Variants in NAV2 observed in about 807,000 individuals in gnomAD.
NAV2 encodes the protein neuron navigator 2.
In NAV2, 54 loss-of-function variants were observed where a neutral mutation model predicts 223.2. That is an observed-to-expected ratio of 0.24 (90% CI 0.19 to 0.30). NAV2 has a LOEUF of 0.30. NAV2 is among the 10% of genes least tolerant of loss of function. The pLI, the probability that NAV2 is intolerant of heterozygous loss-of-function variation, is 1.00. For synonymous variants in NAV2, 1,279 were observed against 1,239.3 expected (o/e 1.03, Z -0.67); for missense variants, 2,806 against 3,147.5 (o/e 0.89, Z 2.60).
intron 7 of NAV2, among the ~76,000 whole-genome samples, chr11:19,938,775 G>T (rs2046142968): frequency 6.6e-6 from 1 of 152,114 alleles, no homozygotes; most frequent in Non-Finnish European, 1.5e-5. Flanking sequence ...TGAGAACGAT[G>T]GCCTCAGTAG....
chr11:19,714,069 C>A, intron 1 of NAV2, 107 bp downstream of exon 1: 1 of 1,438,494 alleles, frequency 7.0e-7, no homozygotes, highest in Non-Finnish European at 9.4e-7. Flanking sequence ...TACCATGTGG[C>A]CAGGGAAGGG....
At chr11:19,766,289 G>C (rs2055216617) in intron 1 of NAV2, among the ~76,000 whole-genome samples, 1 of 152,124 alleles carries the variant, frequency 6.6e-6, no homozygotes, top group African/African-American at 2.4e-5. Context: ...AGCAGTGCTT[G>C]GGGTGGCTGT....
At chr11:19,667,888 A>G (rs1195091293) in intron 1 of NAV2, among the ~76,000 whole-genome samples, 1 of 152,182 alleles carries the variant, frequency 6.6e-6, no homozygotes, top group Non-Finnish European at 1.5e-5. Flanking sequence ...AACACCATTA[A>G]AGGGACTTAA....
intron 1 of NAV2, among the ~76,000 whole-genome samples, chr11:19,756,002 CA>C (rs1347525704): frequency 1.3e-5 from 2 of 152,200 alleles, no homozygotes; most frequent in Non-Finnish European, 1.5e-5. Flanking sequence ...CAACTGCTTT[CA>C]AAAAGACTGT....
intron 1 of NAV2, among the ~76,000 whole-genome samples, chr11:19,731,712 G>T (rs377208128): frequency 6.6e-6 from 1 of 152,228 alleles, no homozygotes; most frequent in African/African-American, 2.4e-5. Flanking sequence ...GGCATGGGCC[G>T]ATCATTTAAC....
At chr11:19,789,091 A>G (rs889871711) in intron 1 of NAV2, among the ~76,000 whole-genome samples, 3 of 152,148 alleles carry the variant, frequency 2.0e-5, no homozygotes, top group African/African-American at 4.8e-5. Flanking sequence ...AAATCAACAA[A>G]TGAATCTCTT....
intron 1 of NAV2, among the ~76,000 whole-genome samples, chr11:19,510,004 T>C: frequency 6.6e-6 from 1 of 152,238 alleles, no homozygotes; most frequent in East Asian, 1.9e-4. Context: ...ATTTCAGTTC[T>C]TTGACTTTTG....
chr11:19,426,717 G>T (rs2133555375), intron 1 of NAV2, among the ~76,000 whole-genome samples: 1 of 151,936 alleles, frequency 6.6e-6, no homozygotes, highest in African/African-American at 2.4e-5. Flanking sequence ...TAGTTGGGGG[G>T]CGGGGTTGTC....
chr11:20,075,752 C>A (rs937910194), intron 22 of NAV2, among the ~76,000 whole-genome samples: 2 of 152,066 alleles, frequency 1.3e-5, no homozygotes, highest in African/African-American at 4.8e-5. Context: ...TGCCTCCTCA[C>A]AGTGCACGGC....
chr11:19,891,214 A>G (rs1021362781), intron 5 of NAV2, among the ~76,000 whole-genome samples: 10 of 152,228 alleles, frequency 6.6e-5, no homozygotes, highest in African/African-American at 2.4e-4. Flanking sequence ...TGAAAGTTTT[A>G]TGACTTGAAA....
intron 24 of NAV2, among the ~76,000 whole-genome samples, chr11:20,079,334 C>T (rs2059950030): frequency 6.6e-6 from 1 of 152,162 alleles, no homozygotes; most frequent in Admixed American, 6.5e-5. Context: ...ATCCACTACA[C>T]CCGGCCGAGG....
chr11:19,895,782 CA>C, intron 6 of NAV2, among the ~76,000 whole-genome samples: 1 of 152,282 alleles, frequency 6.6e-6, no homozygotes, highest in South Asian at 2.1e-4. Context: ...AGTTTACTTT[CA>C]GAAACTTCTG....
chr11:19,361,332 A>G (rs912781475), intron 1 of NAV2, among the ~76,000 whole-genome samples: 3 of 152,018 alleles, frequency 2.0e-5, no homozygotes, highest in Non-Finnish European at 2.9e-5. Flanking sequence ...GTCACACTTT[A>G]CAGTGGACTT....
rs180999182 is a variant in NAV2, at chr11:19,424,249, A to T, written c.75+73222A>T. ...GGCTAATATACAGCTTTAAGGAGCCATGGGTATTGTTTTCCCCTTTATTTG... is the reference window on the plus strand; with the variant it reads ...GGCTAATATACAGCTTTAAGGAGCCTTGGGTATTGTTTTCCCCTTTATTTG... On this transcript the variant is annotated intron_variant, in intron 1 of 37. Coordinates refer to the NAV2 transcript ENST00000360655. Among the ~76,000 whole-genome samples, 6 of 152,336 alleles carry T rather than the reference A, an allele frequency of 3.9e-5. No individual in the cohort carries two copies. The East Asian group carries it at 1.2e-3, about 29-fold the overall frequency.
At chr11:19,454,132 GC>G (rs1269141944) in intron 1 of NAV2, among the ~76,000 whole-genome samples, 1 of 152,174 alleles carries the variant, frequency 6.6e-6, no homozygotes, top group Non-Finnish European at 1.5e-5. Flanking sequence ...GTGATTCAGA[GC>G]ACTGAGAGGT....
chr11:19,586,394 C>G (rs1030680949), intron 1 of NAV2, among the ~76,000 whole-genome samples: 1 of 152,180 alleles, frequency 6.6e-6, no homozygotes, highest in African/African-American at 2.4e-5. Context: ...AAGTCATTCT[C>G]CGTCCAGCTT....
chr11:19,856,812 T>C (rs891508183), intron 3 of NAV2, among the ~76,000 whole-genome samples: 2 of 152,244 alleles, frequency 1.3e-5, no homozygotes, highest in African/African-American at 4.8e-5. Flanking sequence ...CATTAATGCA[T>C]TCAAAGGTAT....
chr11:19,466,990 C>CT (rs748491312), intron 1 of NAV2, among the ~76,000 whole-genome samples: 267 of 102,760 alleles, frequency 2.6e-3, no homozygotes, highest in East Asian at 4.8e-3. Flanking sequence ...TCTCTACACA[C>CT]ACACACACAC....
chr11:19,940,679 A>G (rs1459082599), intron 8 of NAV2, among the ~76,000 whole-genome samples: 1 of 152,212 alleles, frequency 6.6e-6, no homozygotes, highest in Non-Finnish European at 1.5e-5. Flanking sequence ...GCCACATTAC[A>G]GCTGTGGAAT....
Sources: allele counts gnomAD v4.1 joint callset (sites outside exome capture counted in the v4.1 genomes callset), GRCh38; gene constraint gnomAD v4.1.1; transcripts MANE v1.5; gene names NCBI Gene and HGNC (gene_info 2026-07-23, HGNC 2026-07-21).